Variants in LTBP1 observed in about 807,000 individuals in gnomAD.
LTBP1 encodes latent transforming growth factor beta binding protein 1.
A neutral mutation model predicts 207.6 loss-of-function variants in LTBP1; 129 were observed. The observed-to-expected ratio is 0.62, with a 90% CI of 0.54 to 0.72. The LOEUF (loss-of-function observed/expected upper bound fraction) is 0.72, where lower values mean the gene tolerates loss of function less well. Among genes scored for constraint, LTBP1 ranks in the 30% least tolerant of loss-of-function variants. LTBP1 has a pLI of 0.00. For missense variants in LTBP1, 2,281 were observed against 2,217.2 expected, an observed-to-expected ratio of 1.03 and a Z score of -0.58; for synonymous variants, 963 against 833.7, an observed-to-expected ratio of 1.16 and a Z score of -2.67.
intron 2 of LTBP1, among the ~76,000 whole-genome samples, chr2:33,007,780 C>T (rs1198056211): frequency 3.3e-5 from 5 of 152,196 alleles, no homozygotes; most frequent in Admixed American, 2.6e-4. Flanking sequence ...TAATTGACAT[C>T]TGTCTGGTGC....
chr2:33,120,327 CTCCCT>C, intron 4 of LTBP1, among the ~76,000 whole-genome samples: 1 of 152,296 alleles, frequency 6.6e-6, no homozygotes, highest in Middle Eastern at 3.4e-3. Context: ...TTCTGCCCTT[CTCCCT>C]CCTTTTACCC....
At chr2:33,345,473 C>T (rs951405637) in intron 25 of LTBP1, among the ~76,000 whole-genome samples, 5 of 152,226 alleles carry the variant, frequency 3.3e-5, no homozygotes, top group African/African-American at 1.2e-4. Context: ...GTCAATAATA[C>T]ATGTTGGAAA....
chr2:33,154,150 C>G (rs1200723839), intron 5 of LTBP1, among the ~76,000 whole-genome samples: 1 of 152,166 alleles, frequency 6.6e-6, no homozygotes, highest in African/African-American at 2.4e-5. Context: ...ATGTGCCTTT[C>G]TTTCCTGACT....
At chr2:33,273,299 T>G (rs758549545) in intron 15 of LTBP1, among the ~76,000 whole-genome samples, 2 of 152,212 alleles carry the variant, frequency 1.3e-5, no homozygotes, top group African/African-American at 4.8e-5. Flanking sequence ...CTCTATCATC[T>G]AAGATGAACT....
At chr2:33,129,525 T>C (rs546142419) in intron 4 of LTBP1, among the ~76,000 whole-genome samples, 1 of 152,246 alleles carries the variant, frequency 6.6e-6, no homozygotes, top group Non-Finnish European at 1.5e-5. Context: ...TCTTGCATAA[T>C]ATGTTGTGAA....
intron 5 of LTBP1, among the ~76,000 whole-genome samples, chr2:33,142,456 G>T (rs1326367754): frequency 6.6e-6 from 1 of 152,156 alleles, no homozygotes; most frequent in African/African-American, 2.4e-5. Context: ...CTTGTGAGTG[G>T]TGTAGAGGGT....
At chr2:33,342,369 G>A (rs1468449829) in intron 24 of LTBP1, among the ~76,000 whole-genome samples, 2 of 152,200 alleles carry the variant, frequency 1.3e-5, no homozygotes, top group East Asian at 3.8e-4. Flanking sequence ...TGAGGATGTT[G>A]TGTAGTCTGG....
chr2:32,981,722 TG>T (rs1182414963), intron 2 of LTBP1, among the ~76,000 whole-genome samples: 3 of 152,140 alleles, frequency 2.0e-5, no homozygotes, highest in Non-Finnish European at 4.4e-5. Context: ...AGTTGAATCA[TG>T]GGGGCGAGTT....
At chr2:33,391,287 A>C (rs2095312593) in intron 32 of LTBP1, among the ~76,000 whole-genome samples, 1 of 127,672 alleles carries the variant, frequency 7.8e-6, no homozygotes, top group Non-Finnish European at 1.6e-5. Flanking sequence ...CTGACTCCTA[A>C]CACCATAGAT....
At chr2:32,975,621 T>TTTTTTTTTTG (rs1558461916) in intron 2 of LTBP1, among the ~76,000 whole-genome samples, 7 of 87,070 alleles carry the variant, frequency 8.0e-5, no homozygotes, top group African/African-American at 2.9e-4. Flanking sequence ...TTTTTTTTTT[T>TTTTTTTTTTG]GTCTGACTGG....
At chr2:33,330,310 A>G (rs574749618) in intron 24 of LTBP1, among the ~76,000 whole-genome samples, 2 of 152,150 alleles carry the variant, frequency 1.3e-5, no homozygotes, top group South Asian at 2.1e-4. Flanking sequence ...ATGTTGTATA[A>G]GTAATGCTAG....
At chr2:33,228,052 G>A (rs1204855224) in intron 9 of LTBP1, among the ~76,000 whole-genome samples, 5 of 151,816 alleles carry the variant, frequency 3.3e-5, no homozygotes, top group South Asian at 2.1e-4. Context: ...TGATCCGCCC[G>A]CCTCGGCCTC....
At chr2:33,279,640 A>G (rs1264776090) in intron 18 of LTBP1, among the ~76,000 whole-genome samples, 1 of 152,164 alleles carries the variant, frequency 6.6e-6, no homozygotes, top group African/African-American at 2.4e-5. Flanking sequence ...GTTTGCAGAG[A>G]GAACCTCTAG....
At chr2:33,036,619 G>A (rs1188624548) in intron 3 of LTBP1, among the ~76,000 whole-genome samples, 1 of 151,986 alleles carries the variant, frequency 6.6e-6, no homozygotes, top group Non-Finnish European at 1.5e-5. Flanking sequence ...CACCATGTCT[G>A]GCTAAGTTTT....
intron 9 of LTBP1, among the ~76,000 whole-genome samples, chr2:33,236,494 T>G (rs2149654593): frequency 6.6e-6 from 1 of 152,342 alleles, no homozygotes. Flanking sequence ...TTGGGACCCA[T>G]TCCTGTGCAT....
At position 33,375,310 on chromosome 2, in the gene LTBP1, G is replaced by A. The variant is rs559074585; in HGVS notation, c.4711+9807G>A. On this transcript the variant is annotated intron_variant, in intron 31 of 33. Transcript: ENST00000404816. ...AATGAGTCAACGTTCATCATGCACT[G>A]CTCCCTGGTTATCCAGTGCTAGAAG... Among the ~76,000 whole-genome samples, 10 of 152,276 alleles carry A rather than the reference G, an allele frequency of 6.6e-5. No homozygotes were observed. In the South Asian group the frequency reaches 2.1e-3, roughly 32 times the overall value.
At chr2:33,300,309 G>A in intron 20 of LTBP1, 142 bp from the exon 21 acceptor site, 1 of 657,802 alleles carries the variant, frequency 1.5e-6, no homozygotes, top group East Asian at 3.1e-5. Flanking sequence ...CATGGGTGGA[G>A]TGATAAATAC....
chr2:33,232,622 A>G (rs1008299490), intron 9 of LTBP1, among the ~76,000 whole-genome samples: 1 of 152,174 alleles, frequency 6.6e-6, no homozygotes, highest in African/African-American at 2.4e-5. Flanking sequence ...TGCCAAATAA[A>G]ATCCAGAACC....
chr2:33,269,603 C>A (rs568579441), intron 15 of LTBP1, among the ~76,000 whole-genome samples: 1 of 152,286 alleles, frequency 6.6e-6, no homozygotes, highest in South Asian at 2.1e-4. Flanking sequence ...CTATGTGAGG[C>A]TTGACTCTGG....
Sources: allele counts gnomAD v4.1 joint callset (sites outside exome capture counted in the v4.1 genomes callset), GRCh38; gene constraint gnomAD v4.1.1; transcripts MANE v1.5; gene names NCBI Gene and HGNC (gene_info 2026-07-23, HGNC 2026-07-21).